DIDO1: variants seen among roughly 807,000 people sequenced by gnomAD.
DIDO1 encodes the protein death inducer-obliterator 1, also known as death-inducer obliterator 1.
Under a neutral mutation model 99.4 loss-of-function variants are expected in DIDO1, and 16 were observed. The ratio of observed to expected loss-of-function variants is 0.16; its 90% CI spans 0.11 to 0.24. The LOEUF (loss-of-function observed/expected upper bound fraction) is 0.24. Ranked by LOEUF, DIDO1 falls within the 10% of genes least tolerant of loss-of-function variation. DIDO1 has a pLI of 1.00. For missense variants in DIDO1, 2,996 were observed against 3,014.0 expected (o/e 0.99, Z 0.14); for synonymous variants, 1,366 against 1,239.1 (o/e 1.10, Z -2.15).
chr20:62,893,569 A>G, intron 12 of DIDO1, 97 bp downstream of exon 12: 1 of 1,381,664 alleles, frequency 7.2e-7, no homozygotes, highest in Admixed American at 2.5e-5. Context: ...ATTTCAGGTT[A>G]CATTTCCAAG....
At chr20:62,928,442 G>A (rs1321446515), upstream of DIDO1, among the ~76,000 whole-genome samples, 4 of 152,116 alleles carry the variant, frequency 2.6e-5, no homozygotes, top group African/African-American at 9.7e-5. Flanking sequence ...AAGCTGGCTC[G>A]GCTGTGGAGG....
intron 12 of DIDO1, among the ~76,000 whole-genome samples, 160 bp downstream of exon 12, chr20:62,893,506 C>T (rs1486294488): frequency 1.3e-5 from 2 of 152,126 alleles, no homozygotes; most frequent in Non-Finnish European, 1.5e-5. Flanking sequence ...TCCAAAAGGA[C>T]AATAAGGCAC....
At position 62,880,480 on chromosome 20, in the gene DIDO1, G is replaced by A. The variant is rs749070638; in HGVS notation, c.5476C>T (p.Pro1826Ser). ...GPPPYGDSRGPSPSYLGGPRG... is the reference protein window; with the variant it reads ...GPPPYGDSRGSSPSYLGGPRG... ...GGTCCACCAAGGTAAGAGGGTGAGG[G>A]GCCTCTGCTGTCCCCATAAGGAGGT... is the stretch of plus-strand genomic sequence containing the variant. Residue 1826 changes from proline (P) to serine (S), a missense_variant, in exon 16 of 16, where the codon CCC (proline) becomes TCC (serine). Transcript: ENST00000395343. The A allele has an allele frequency of 8.1e-6, 13 of 1,612,858 alleles. No homozygotes were observed. Among genetic ancestry groups the A allele is most frequent in the African/African-American group, 4.0e-5 (3 of 74,940 alleles).
chr20:62,934,777 T>C (rs368286227), intron 1 of DIDO1, among the ~76,000 whole-genome samples: 2 of 152,184 alleles, frequency 1.3e-5, no homozygotes, highest in African/African-American at 4.8e-5. Context: ...CACCCTGGAC[T>C]TCCCTGCCGC....
Position 62,892,781 on chromosome 20 carries a change from C to T in DIDO1, c.3255+28G>A, listed in dbSNP as rs2294998. On this transcript the variant is annotated intron_variant, in intron 13 of 15. Transcript: ENST00000395343. ...TAGAAACTCCTATGAAAGACACACA[C>T]ACGCACACACATTTTCTTGGTTCTA... 0.35 allele frequency: 552,272 copies of T among 1,595,284 alleles called. 98,401 individuals carry two copies. Among genetic ancestry groups the T allele is most frequent in the African/African-American group, 0.58 (43,000 of 74,500 alleles).
chr20:62,881,349 T>A lies in DIDO1; in HGVS notation c.4607A>T (p.Gln1536Leu). ...CTTGTCTGCAGACTGCTGCTCTTGC[T>A]GGAACAGCTCTGCCTTGGGCAAGGA... ...KSSLPKAELF[Q>L]QEQQSADKPA... is the part of the protein sequence containing the mutation. Residue 1536 changes from glutamine to leucine, a missense_variant, in exon 16 of 16, where the codon CAG (glutamine) becomes CTG (leucine). Physicochemically the swap from Gln to Leu is moderately radical, Grantham distance 113. This residue lies in a region of DIDO1 where 1,562 missense variants were observed against 1,412.6 expected (regional missense o/e 1.11). Coordinates refer to ENST00000395343, the MANE Select transcript of DIDO1 (RefSeq NM_001193369.2). This position sits in a 1 kb window ranked among gnomAD's most constrained non-coding sequence, Gnocchi z 8.3. 6.2e-7 allele frequency: 1 copy of A among 1,605,666 alleles called. No individual in the cohort carries two copies. The highest frequency in any genetic ancestry group is 1.3e-5 in the African/African-American group (1 of 75,046).
intron 6 of DIDO1, among the ~76,000 whole-genome samples, chr20:62,904,780 CAAAAAAAAAAAAAAAAAAA>C (rs58039393): frequency 1.6e-5 from 1 of 62,624 alleles, no homozygotes; most frequent in Middle Eastern, 7.9e-3. Flanking sequence ...ACTCTTGTCT[CAAAAAAAAAAAAAAAAAAA>C]AAAAAAAAGT....
Position 62,937,275 on chromosome 20 carries a change from G to A in DIDO1, c.-200+521C>T, listed in dbSNP as rs1258349338. On this transcript the variant is annotated intron_variant, in intron 1 of 15. Coordinates refer to the DIDO1 transcript ENST00000266070. ...CCCAGCAACGGAAACATGGGACCCT[G>A]CAATGACAGACTTCGCATTCCTCCT... Among the ~76,000 whole-genome samples the A allele has an allele frequency of 3.3e-5, 5 of 152,242 alleles. No individual in the cohort carries two copies. In the South Asian group the frequency reaches 8.3e-4, roughly 25 times the overall value.
At chr20:62,884,897 G>A (rs1454612940) in intron 15 of DIDO1, among the ~76,000 whole-genome samples, 1 of 152,216 alleles carries the variant, frequency 6.6e-6, no homozygotes, top group Non-Finnish European at 1.5e-5. Context: ...AACCAGCCGG[G>A]CCACACCGAA....
At chr20:62,907,065 G>T in intron 5 of DIDO1, 82 bp downstream of exon 5, 2 of 1,455,920 alleles carry the variant, frequency 1.4e-6, no homozygotes, top group Non-Finnish European at 1.9e-6. Context: ...ACCCCCACAC[G>T]GTCTACAAAC....
intron 13 of DIDO1, among the ~76,000 whole-genome samples, chr20:62,892,578 C>T (rs2064421932): frequency 6.6e-6 from 1 of 152,250 alleles, no homozygotes; most frequent in Non-Finnish European, 1.5e-5. Context: ...GGCCAGACTG[C>T]AGGCTCACAT....
chr20:62,935,756 G>A (rs1023183337), intron 1 of DIDO1, among the ~76,000 whole-genome samples: 1 of 152,250 alleles, frequency 6.6e-6, no homozygotes, highest in Admixed American at 6.5e-5. Context: ...TAGAAGGATA[G>A]AGTCAATGAG....
intron 1 of DIDO1, among the ~76,000 whole-genome samples, chr20:62,917,546 GT>G (rs1293698196): frequency 6.6e-5 from 10 of 152,268 alleles, no homozygotes; most frequent in Admixed American, 5.2e-4. Flanking sequence ...TCCGTCTGTT[GT>G]TCTGTCAGGG....
At chr20:62,937,260 G>A (rs749732035) in intron 1 of DIDO1, among the ~76,000 whole-genome samples, 11 of 152,370 alleles carry the variant, frequency 7.2e-5, no homozygotes, top group Non-Finnish European at 1.6e-4. Context: ...CCCAGCAACG[G>A]AAACATGGGA....
At chr20:62,890,401 C>T (rs1261417288) in intron 15 of DIDO1, 4 of 988,678 alleles carry the variant, frequency 4.0e-6, no homozygotes, top group Non-Finnish European at 4.8e-6. Flanking sequence ...CGTTTAAATA[C>T]AGTACTTTCC....
intron 6 of DIDO1, among the ~76,000 whole-genome samples, chr20:62,903,798 C>T (rs1379242029): frequency 3.3e-5 from 5 of 152,160 alleles, no homozygotes; most frequent in South Asian, 2.1e-4. Flanking sequence ...CAGGCAATTT[C>T]CCCCACCTCC....
intron 4 of DIDO1, among the ~76,000 whole-genome samples, chr20:62,909,318 G>C (rs2064873300): frequency 6.6e-6 from 1 of 152,226 alleles, no homozygotes. Context: ...GCAAGACAGA[G>C]AAACCACTCT....
rs757465223 is a variant in DIDO1, at chr20:62,896,640, C to T, written c.1945G>A (p.Ala649Thr). ...CCAAGGCGTCCTGGGGCTGGCGAGG[C>T]CATTGGAACAGAAGGTACCACTGGC... ...RKPVVPSVPM[A>T]SPAPGRLGAM... The change falls in exon 7 of 16, where the codon GCC (alanine) becomes ACC (threonine). Residue 649 changes from alanine to threonine, a missense_variant. Physicochemically the swap from Ala to Thr is moderately conservative, Grantham distance 58 (BLOSUM62 0). Around this residue, in one of 5 missense-constraint regions of DIDO1, gnomAD observed 898 missense variants for 972.7 expected, o/e 0.92. Transcript: ENST00000395343. This position sits in a 1 kb window ranked among gnomAD's most constrained non-coding sequence, Gnocchi z 4.4. The T allele has an allele frequency of 5.0e-6, 8 of 1,613,998 alleles. No individual in the cohort carries two copies. In the Admixed American group the frequency reaches 1.0e-4, roughly 20 times the overall value.
At chr20:62,891,262 TCA>T (rs2064391844) in intron 14 of DIDO1, 107 bp from the exon 15 acceptor site, 1 of 1,517,070 alleles carries the variant, frequency 6.6e-7, no homozygotes, top group East Asian at 2.3e-5. Flanking sequence ...TCTCTCCGAC[TCA>T]CAGCCACGAT....
Sources: allele counts gnomAD v4.1 joint callset (sites outside exome capture counted in the v4.1 genomes callset), GRCh38; gene constraint gnomAD v4.1.1; regional missense constraint gnomAD v4.1.1; non-coding constraint Gnocchi (gnomAD v3.1); transcripts MANE v1.5; gene names NCBI Gene and HGNC (gene_info 2026-07-23, HGNC 2026-07-21).